RAI14: variants seen among roughly 807,000 people sequenced by gnomAD.
RAI14 encodes the protein ankycorbin.
Under a neutral mutation model 115.4 loss-of-function variants are expected in RAI14, and 45 were observed. That is an observed-to-expected ratio of 0.39 (90% confidence interval 0.31 to 0.50). RAI14 has a LOEUF of 0.50. RAI14 is among the 20% of genes least tolerant of loss of function. The pLI is 0.85. For missense variants in RAI14, 939 were observed against 1,131.2 expected, an observed-to-expected ratio of 0.83 and a Z score of 2.44; for synonymous variants, 371 against 415.4, an observed-to-expected ratio of 0.89 and a Z score of 1.30.
At chr5:34,702,458 G>C (rs994084994) in intron 2 of RAI14, among the ~76,000 whole-genome samples, 1 of 152,164 alleles carries the variant, frequency 6.6e-6, no homozygotes, top group East Asian at 1.9e-4. Flanking sequence ...CAGCCTGGGC[G>C]ATCAAGCAAG....
At chr5:34,670,259 T>A (rs1275253929) in intron 1 of RAI14, among the ~76,000 whole-genome samples, 1 of 152,206 alleles carries the variant, frequency 6.6e-6, no homozygotes, top group African/African-American at 2.4e-5. Flanking sequence ...TGGTGTTGTC[T>A]CACGTGCAGC....
At position 34,824,176 on chromosome 5, in the gene RAI14, T is replaced by C. The variant is rs1282882386; in HGVS notation, c.2334T>C (p.Ala778=). 9 of 1,614,168 alleles carry C rather than the reference T, an allele frequency of 5.6e-6. No homozygotes were observed. Among genetic ancestry groups the C allele is most frequent in the Non-Finnish European group, 5.9e-6 (7 of 1,180,020 alleles). Reference sequence around the variant, plus strand: ...AACAACTCTTAGAAGAGAAAGCTGCTATGACTGATGCAATGGTACCTCGGT... The same window carrying C: ...AACAACTCTTAGAAGAGAAAGCTGCCATGACTGATGCAATGGTACCTCGGT... ...LEKQLLEEKA[A]MTDAMVPRSS... The change falls in exon 15 of 18, where the codon GCT becomes GCC. Residue 778 remains alanine, a synonymous_variant. Transcript: ENST00000265109.
chr5:34,825,963 A>G (rs920673080), intron 15 of RAI14: 3 of 160,300 alleles, frequency 1.9e-5, no homozygotes, highest in African/African-American at 7.2e-5. Flanking sequence ...ATTGGACAAA[A>G]TATAGCTGTC....
chr5:34,723,023 C>T (rs1742977149), intron 2 of RAI14, among the ~76,000 whole-genome samples: 1 of 149,454 alleles, frequency 6.7e-6, no homozygotes, highest in African/African-American at 2.5e-5. Context: ...TCGCTTGAAA[C>T]TGGGAGGCAG....
At chr5:34,795,815 T>TG in intron 3 of RAI14, 124 bp from the exon 4 acceptor site, 1 of 650,422 alleles carries the variant, frequency 1.5e-6, no homozygotes. Flanking sequence ...AGTCAGTGGG[T>TG]GCTTGTAGAG....
At chr5:34,826,054 TCA>T (rs1466906947) in intron 15 of RAI14, 1 of 217,014 alleles carries the variant, frequency 4.6e-6, no homozygotes, top group East Asian at 1.0e-4. Context: ...GAAACCAACA[TCA>T]CAGCTTTTGT....
chr5:34,720,086 T>C (rs917853349), intron 2 of RAI14, among the ~76,000 whole-genome samples: 1 of 152,226 alleles, frequency 6.6e-6, no homozygotes, highest in Non-Finnish European at 1.5e-5. Flanking sequence ...GGAATGAGAA[T>C]TCTTCCTTAT....
intron 3 of RAI14, among the ~76,000 whole-genome samples, chr5:34,772,536 A>G (rs945918829): frequency 1.3e-5 from 2 of 152,136 alleles, no homozygotes; most frequent in African/African-American, 4.8e-5. Flanking sequence ...ATGTTCCTAG[A>G]GTGTAATGTT....
chr5:34,772,814 G>T (rs1750345611), intron 3 of RAI14, among the ~76,000 whole-genome samples: 1 of 152,188 alleles, frequency 6.6e-6, no homozygotes, highest in Non-Finnish European at 1.5e-5. Context: ...TCAGGAAAAA[G>T]AAAATGAGAG....
chr5:34,785,376 A>C (rs1323483904), intron 3 of RAI14, among the ~76,000 whole-genome samples: 1 of 152,004 alleles, frequency 6.6e-6, no homozygotes, highest in African/African-American at 2.4e-5. Flanking sequence ...TCATATGTTG[A>C]CTTTGAGGGC....
At chr5:34,740,908 A>G (rs1453176030) in intron 2 of RAI14, among the ~76,000 whole-genome samples, 2 of 152,208 alleles carry the variant, frequency 1.3e-5, no homozygotes, top group Non-Finnish European at 2.9e-5. Flanking sequence ...TCTGTTTTAA[A>G]TAAATCAGTG....
chr5:34,811,154 G>A (rs535467500), intron 8 of RAI14, 36 bp downstream of exon 8: 1 of 1,594,832 alleles, frequency 6.3e-7, no homozygotes. Context: ...TGTGACTTCA[G>A]TGATACCCAC....
chr5:34,814,662 C>T lies in RAI14; in HGVS notation c.932C>T (p.Pro311Leu), dbSNP rs200119247. The T allele has an allele frequency of 1.2e-6, 2 of 1,604,534 alleles. No individual in the cohort carries two copies. The highest frequency in any genetic ancestry group is 1.7e-6 in the Non-Finnish European group (2 of 1,171,552). The change falls in exon 12 of 18, where the codon CCC becomes CTC. Residue 311 changes from proline (P) to leucine (L), a missense_variant. Coordinates refer to ENST00000265109, the MANE Select transcript of RAI14 (RefSeq NM_015577.3). ...GAATCGGTATTTTTTGCTGAACCAC[C>T]CTTCAAGGTATTTCCTTTCTGTATT... ...GKESVFFAEP[P>L]FKAEISSIRE...
intron 2 of RAI14, among the ~76,000 whole-genome samples, chr5:34,728,038 C>G (rs1269619103): frequency 6.6e-6 from 1 of 152,118 alleles, no homozygotes; most frequent in African/African-American, 2.4e-5. Flanking sequence ...GCAGTGTGGC[C>G]TGGGTGTGAG....
rs1426559393 is a variant in RAI14, at chr5:34,746,110, T to G, written c.37-11358T>G. Among the ~76,000 whole-genome samples, 46 of 101,636 alleles carry G rather than the reference T, an allele frequency of 4.5e-4. 1 individual carries two copies. The highest frequency in any genetic ancestry group is 5.8e-4 in the Non-Finnish European group (30 of 52,152). 66.7% of individuals were successfully genotyped at this position (101,636 alleles called of 152,430 possible). On this transcript the variant is annotated intron_variant, in intron 2 of 17. Coordinates refer to ENST00000265109, the MANE Select transcript of RAI14 (RefSeq NM_015577.3). ...ACCCCCTCCCCCCCCCGCCTTTTTT[T>G]TTTTTGTTTTTTTGAGATGGAATCT...
At chr5:34,688,833 A>T (rs1044981944) in intron 2 of RAI14, among the ~76,000 whole-genome samples, 2 of 151,804 alleles carry the variant, frequency 1.3e-5, no homozygotes, top group Admixed American at 1.3e-4. Context: ...TAATAATGCT[A>T]ATAATAATTA....
At chr5:34,813,985 G>C (rs912608631) in intron 11 of RAI14, among the ~76,000 whole-genome samples, 4 of 152,158 alleles carry the variant, frequency 2.6e-5, no homozygotes, top group African/African-American at 7.2e-5. Context: ...TATGTTAAAA[G>C]ATCTAGTAAG....
At chr5:34,744,801 T>C (rs1745954733) in intron 2 of RAI14, among the ~76,000 whole-genome samples, 1 of 152,196 alleles carries the variant, frequency 6.6e-6, no homozygotes, top group South Asian at 2.1e-4. Flanking sequence ...AACAGAAATG[T>C]ATTCTCTCAA....
intron 11 of RAI14, among the ~76,000 whole-genome samples, chr5:34,814,050 G>A (rs570351614): frequency 6.6e-5 from 10 of 152,152 alleles, no homozygotes; most frequent in African/African-American, 1.4e-4. Context: ...ATTTCAGTTC[G>A]TTTCTTAAAA....
Sources: allele counts gnomAD v4.1 joint callset (sites outside exome capture counted in the v4.1 genomes callset), GRCh38; gene constraint gnomAD v4.1.1; transcripts MANE v1.5; gene names NCBI Gene and HGNC (gene_info 2026-07-23, HGNC 2026-07-21).